The following CC2D2B variants were observed in gnomAD, a reference collection of about 807,000 sequenced individuals.
The protein encoded by CC2D2B is protein CC2D2B.
A neutral mutation model predicts 161.2 loss-of-function variants in CC2D2B; 128 were observed. That is an observed-to-expected ratio of 0.79 (90% confidence interval 0.69 to 0.92). The LOEUF (loss-of-function observed/expected upper bound fraction) is 0.92, where lower values mean the gene tolerates loss of function less well. CC2D2B is among the 40% of genes least tolerant of loss of function. The pLI is 0.00. For missense variants in CC2D2B, 1,173 were observed against 1,375.1 expected (o/e 0.85, Z 2.32); for synonymous variants, 391 against 449.8 (o/e 0.87, Z 1.65).
intron 10 of CC2D2B, among the ~76,000 whole-genome samples, chr10:95,954,269 C>G (rs1284278148): frequency 6.6e-6 from 1 of 151,968 alleles, no homozygotes; most frequent in Non-Finnish European, 1.5e-5. Flanking sequence ...TATTTCTAGC[C>G]TTTTCTATCT....
intron 33 of CC2D2B, among the ~76,000 whole-genome samples, chr10:96,026,897 C>T (rs535034307): frequency 2.4e-4 from 36 of 152,200 alleles, no homozygotes; most frequent in African/African-American, 8.7e-4. Context: ...CCGAGGAGGG[C>T]GGATCACCTG....
intron 12 of CC2D2B, among the ~76,000 whole-genome samples, chr10:95,962,610 A>C (rs995775962): frequency 5.3e-5 from 8 of 152,132 alleles, no homozygotes; most frequent in African/African-American, 1.9e-4. Flanking sequence ...CCAAACACTT[A>C]AGCTGTTTGT....
intron 9 of CC2D2B, among the ~76,000 whole-genome samples, chr10:95,946,688 C>G (rs867897130): frequency 1.3e-4 from 20 of 152,116 alleles, no homozygotes; most frequent in Middle Eastern, 3.4e-3. Flanking sequence ...GTTTGTCTGC[C>G]TCCCTGAAAC....
chr10:95,982,394 A>G (rs1459008332), intron 18 of CC2D2B, among the ~76,000 whole-genome samples: 3 of 152,136 alleles, frequency 2.0e-5, no homozygotes, highest in Admixed American at 1.3e-4. Flanking sequence ...GCTAACATCT[A>G]TTGTGCAGTT....
chr10:95,999,978 A>G (rs1259160639), intron 24 of CC2D2B: 1 of 803,100 alleles, frequency 1.2e-6, no homozygotes, highest in Non-Finnish European at 1.9e-6. Flanking sequence ...TGCTCAATAC[A>G]CACATTAATT....
Position 95,922,050 on chromosome 10 carries a change from A to T in CC2D2B, c.71A>T (p.Glu24Val). Residue 24 changes from glutamate (E) to valine (V), a missense_variant, in exon 3 of 35, where the codon GAA becomes GTA. This residue lies in a region of CC2D2B where 298 missense variants were observed against 261.2 expected (regional missense o/e 1.14). Transcript: ENST00000646931. The stretch of plus-strand genomic sequence containing the variant: ...GAGATGGATAATATTACAGCTGAAG[A>T]AATTATAGACAAGCATCTCCAAAAA... ...SEEMDNITAE[E>V]IIDKHLQKDL... 2 of 1,543,150 alleles carry T rather than the reference A, an allele frequency of 1.3e-6. No individual in the cohort carries two copies. The highest frequency in any genetic ancestry group is 2.5e-5 in the East Asian group (1 of 40,738).
chr10:95,949,536 T>C (rs1186079311), intron 9 of CC2D2B, among the ~76,000 whole-genome samples: 5 of 115,692 alleles, frequency 4.3e-5, no homozygotes, highest in Admixed American at 1.8e-4. Context: ...AGGGATAGCA[T>C]TGGGAGATAT....
rs1275224247 is a variant in CC2D2B, at chr10:95,988,261, T to C, written c.2298T>C (p.Ser766=). ...IPDLVFQEYE[S]QKEKEVSVSD... is the part of the protein sequence containing the mutation. ...AATTCTGTATTTAGGAGTATGAAAG[T>C]CAGAAAGAGAAGGAGGTATCCGTTT... Residue 766 remains serine (S), a synonymous_variant, in exon 20 of 35, where the codon AGT becomes AGC. Transcript: ENST00000646931. The C allele has an allele frequency of 2.5e-6, 3 of 1,212,314 alleles. No individual in the cohort carries two copies. The highest frequency in any genetic ancestry group is 2.1e-4 in the Middle Eastern group (1 of 4,808). The allele number at this position is 1,212,314 out of a possible 1,614,324, so 75.1% of individuals were successfully genotyped here.
chr10:96,018,511 T>A (rs2141902957), intron 30 of CC2D2B, among the ~76,000 whole-genome samples: 1 of 152,288 alleles, frequency 6.6e-6, no homozygotes, highest in East Asian at 1.9e-4. Flanking sequence ...TATAGCATCT[T>A]GTATGAATTA....
chr10:95,958,881 T>G (rs2076669009), intron 11 of CC2D2B, among the ~76,000 whole-genome samples: 1 of 151,836 alleles, frequency 6.6e-6, no homozygotes, highest in Non-Finnish European at 1.5e-5. Flanking sequence ...AAACAGAAAT[T>G]AATAATAAAA....
intron 22 of CC2D2B, 130 bp downstream of exon 22, chr10:95,992,827 G>T: frequency 1.7e-6 from 1 of 589,648 alleles, no homozygotes; most frequent in African/African-American, 1.9e-5. Context: ...AATGAAAATT[G>T]AAATCTTCAT....
At chr10:96,013,443 T>C (rs1367508529) in intron 28 of CC2D2B, among the ~76,000 whole-genome samples, 1 of 151,162 alleles carries the variant, frequency 6.6e-6, no homozygotes, top group Non-Finnish European at 1.5e-5. Context: ...TTAAAGTACA[T>C]GTTTAATGTG....
Position 96,024,335 on chromosome 10 carries a change from A to G in CC2D2B, c.3889-518A>G, listed in dbSNP as rs1413781041. On this transcript the variant is annotated intron_variant, in intron 32 of 34. Coordinates refer to ENST00000646931, the MANE Select transcript of CC2D2B (RefSeq NM_001349008.3). ...TTCTTCCAGCTGAAAGAAACAAATA[A>G]TCAAAGAAGGAAGATGATCAACCAT... is the stretch of plus-strand genomic sequence containing the variant. Among the ~76,000 whole-genome samples, 4 of 152,338 alleles carry G rather than the reference A, an allele frequency of 2.6e-5. No homozygotes were observed. In the East Asian group the frequency reaches 7.7e-4, roughly 29 times the overall value.
At chr10:95,999,110 A>C (rs1012966466) in intron 24 of CC2D2B, among the ~76,000 whole-genome samples, 5 of 152,166 alleles carry the variant, frequency 3.3e-5, no homozygotes, top group African/African-American at 1.2e-4. Context: ...AAACAAAAAA[A>C]CCTTCAGAGA....
rs1474296517 is a variant in CC2D2B, at chr10:95,909,011, A to G, written c.-24+954A>G. 2.6e-5 allele frequency among the ~76,000 whole-genome samples: 4 copies of G among 152,210 alleles called. No individual in the cohort carries two copies. In the South Asian group the frequency reaches 8.3e-4, roughly 32 times the overall value. On this transcript the variant is annotated intron_variant, in intron 1 of 34. Coordinates refer to ENST00000646931, the MANE Select transcript of CC2D2B (RefSeq NM_001349008.3). Reference sequence around the variant, plus strand: ...TGGGCCCAAATCTTTCTTGATCTACAGGAGCAGGACATGATGACTTGGGAA... The same window carrying G: ...TGGGCCCAAATCTTTCTTGATCTACGGGAGCAGGACATGATGACTTGGGAA...
intron 14 of CC2D2B, among the ~76,000 whole-genome samples, 187 bp from the exon 15 acceptor site, chr10:95,968,537 A>T (rs1240598046): frequency 1.3e-5 from 2 of 152,178 alleles, no homozygotes; most frequent in Non-Finnish European, 2.9e-5. Flanking sequence ...CATCTCTTTC[A>T]TTAAAAACAT....
chr10:95,965,667 T>C (rs2076915027), intron 12 of CC2D2B, among the ~76,000 whole-genome samples: 1 of 152,038 alleles, frequency 6.6e-6, no homozygotes. Context: ...ACACTAATGG[T>C]AAATTTACTG....
intron 23 of CC2D2B, 116 bp downstream of exon 23, chr10:95,995,481 T>A (rs1342651886): frequency 3.6e-6 from 2 of 563,088 alleles, no homozygotes; most frequent in Non-Finnish European, 5.9e-6. Context: ...TTATTTTCCA[T>A]GACACAGTAA....
At chr10:96,001,091 G>C (rs2078473186) in intron 24 of CC2D2B, among the ~76,000 whole-genome samples, 1 of 152,032 alleles carries the variant, frequency 6.6e-6, no homozygotes, top group African/African-American at 2.4e-5. Flanking sequence ...ATATAGACTA[G>C]AATAATCCTT....
Sources: gnomAD v4.1 joint callset for allele counts (sites outside exome capture counted in the v4.1 genomes callset) on GRCh38, gnomAD v4.1.1 for gene constraint, gnomAD v4.1.1 regional missense constraint, MANE v1.5 for transcripts, NCBI Gene and HGNC (gene_info 2026-07-23, HGNC 2026-07-21) for gene names.